Variants in STK3 observed in about 807,000 individuals in gnomAD.
STK3 encodes serine/threonine kinase 3, also known as serine/threonine-protein kinase 3.
Under a neutral mutation model 58.0 loss-of-function variants are expected in STK3, and 41 were observed. The observed-to-expected ratio is 0.71, with a 90% CI of 0.55 to 0.92. The LOEUF (loss-of-function observed/expected upper bound fraction) is 0.92, where lower values mean the gene tolerates loss of function less well. STK3 is among the 40% of genes least tolerant of loss of function. The pLI is 0.00. For missense variants in STK3, 479 were observed against 602.7 expected (o/e 0.79, Z 2.15); for synonymous variants, 170 against 191.0 (o/e 0.89, Z 0.91).
chr8:98,570,509 A>T (rs1251129409), intron 8 of STK3, among the ~76,000 whole-genome samples: 1 of 152,172 alleles, frequency 6.6e-6, no homozygotes, highest in African/African-American at 2.4e-5. Context: ...ATATTTGACC[A>T]GTTAAAATTT....
At chr8:98,573,472 G>A (rs7842869) in intron 8 of STK3, among the ~76,000 whole-genome samples, 5,923 of 152,050 alleles carry the variant, frequency 0.039, 125 homozygotes, top group South Asian at 0.06. Context: ...CGGGGTGGTT[G>A]TTCCCTGATT....
chr8:98,767,513 C>A, intron 2 of STK3, 142 bp from the exon 3 acceptor site: 1 of 791,748 alleles, frequency 1.3e-6, no homozygotes, highest in Non-Finnish European at 1.8e-6. Context: ...AAACAAGTAA[C>A]AATTTTAAAA....
chr8:98,791,941 C>A (rs1413709768), intron 1 of STK3, among the ~76,000 whole-genome samples: 2 of 152,092 alleles, frequency 1.3e-5, no homozygotes, highest in Admixed American at 6.5e-5. Flanking sequence ...AAAGCAAATG[C>A]AATAAAAACA....
rs188366560 is a variant in STK3 at position 98,595,897 on chromosome 8, A to G, written c.822+135T>C. The G allele has an allele frequency of 4.3e-5, 42 of 978,362 alleles. No homozygotes were observed. In the East Asian group the frequency reaches 1.1e-3, roughly 26 times the overall value. The allele number at this position is 978,362 out of a possible 1,614,324, so 60.6% of individuals were successfully genotyped here. On this transcript the variant is annotated intron_variant, in intron 7 of 10. Transcript: ENST00000419617. ...GGGACGAGAGGGGAGGAAAGAAAAG[A>G]AGGGAGCAAACAGGAGGGGAGGGGA...
At chr8:98,903,398 G>T (rs558731464) in intron 1 of STK3, among the ~76,000 whole-genome samples, 21 of 152,094 alleles carry the variant, frequency 1.4e-4, no homozygotes, top group Middle Eastern at 3.4e-3. Flanking sequence ...AGAAGAGAAT[G>T]CTCTTTTTAG....
intron 10 of STK3, among the ~76,000 whole-genome samples, chr8:98,510,795 C>T (rs1392619784): frequency 1.3e-5 from 2 of 151,978 alleles, no homozygotes; most frequent in African/African-American, 2.4e-5. Context: ...TGTGTTAGAC[C>T]TTAAAGCCTA....
intron 6 of STK3, among the ~76,000 whole-genome samples, chr8:98,694,441 C>A (rs570789606): frequency 1.7e-3 from 252 of 152,074 alleles, no homozygotes; most frequent in African/African-American, 5.8e-3. Flanking sequence ...TGCGGGTGTG[C>A]TGCACCCATT....
intron 1 of STK3, among the ~76,000 whole-genome samples, chr8:98,793,972 A>G (rs1290820327): frequency 6.6e-6 from 1 of 152,224 alleles, no homozygotes; most frequent in Non-Finnish European, 1.5e-5. Context: ...AAATTAAAGC[A>G]GAAATCAAAA....
chr8:98,564,065 G>A (rs1812274699), intron 8 of STK3, among the ~76,000 whole-genome samples: 2 of 152,012 alleles, frequency 1.3e-5, no homozygotes, highest in Admixed American at 1.3e-4. Flanking sequence ...TGTGATCCTG[G>A]TTAACATCAA....
chr8:98,596,026 A>G lies in STK3; in HGVS notation c.822+6T>C. 4 of 1,612,642 alleles carry G rather than the reference A, an allele frequency of 2.5e-6. No homozygotes were observed. Among genetic ancestry groups the G allele is most frequent in the South Asian group, 1.1e-5 (1 of 90,806 alleles). On this transcript the variant is annotated splice_donor_region_variant and intron_variant, in intron 7 of 10. Transcript: ENST00000419617. ...ATATCCTTCCCTTCGAGGCACAAGC[A>G]CTGACCTGTAAAAGTTGTGTTGCAG...
chr8:98,908,252 C>G (rs1838990461), intron 1 of STK3, among the ~76,000 whole-genome samples: 1 of 152,168 alleles, frequency 6.6e-6, no homozygotes, highest in Admixed American at 6.5e-5. Context: ...AAAATGTTCT[C>G]TTATCAACTT....
chr8:98,761,591 T>A (rs1306794064), intron 3 of STK3, among the ~76,000 whole-genome samples: 1 of 152,224 alleles, frequency 6.6e-6, no homozygotes, highest in Non-Finnish European at 1.5e-5. Context: ...CATCTTACTA[T>A]AATCTTAGTA....
chr8:98,693,049 A>G (rs952582888), intron 6 of STK3, among the ~76,000 whole-genome samples: 2 of 152,146 alleles, frequency 1.3e-5, no homozygotes, highest in Non-Finnish European at 2.9e-5. Context: ...AAATCCAATG[A>G]CAAGTGCCCT....
chr8:98,725,559 C>T (rs892885228), intron 4 of STK3, among the ~76,000 whole-genome samples: 1 of 152,110 alleles, frequency 6.6e-6, no homozygotes, highest in African/African-American at 2.4e-5. Flanking sequence ...ATCCAAGGAA[C>T]TAACTTTCCA....
intron 3 of STK3, among the ~76,000 whole-genome samples, chr8:98,870,325 C>G (rs1162670935): frequency 2.6e-5 from 4 of 152,168 alleles, no homozygotes; most frequent in African/African-American, 4.8e-5. Flanking sequence ...GTCTTTATAG[C>G]AGCATGATTT....
At chr8:98,715,139 G>A (rs1426990327) in intron 4 of STK3, among the ~76,000 whole-genome samples, 1 of 151,870 alleles carries the variant, frequency 6.6e-6, no homozygotes, top group East Asian at 1.9e-4. Context: ...ATTCAAGATG[G>A]ATTAAAGACT....
At chr8:98,863,783 AT>A (rs1659945267) in intron 3 of STK3, among the ~76,000 whole-genome samples, 1 of 152,120 alleles carries the variant, frequency 6.6e-6, no homozygotes, top group South Asian at 2.1e-4. Flanking sequence ...CCACACCTTG[AT>A]TTTGTTGTGG....
chr8:98,850,394 C>A (rs1836412263), intron 3 of STK3, among the ~76,000 whole-genome samples: 1 of 152,088 alleles, frequency 6.6e-6, no homozygotes, highest in Admixed American at 6.6e-5. Flanking sequence ...GGACAAGGAC[C>A]CTGTCTTCAG....
intron 4 of STK3, among the ~76,000 whole-genome samples, chr8:98,713,454 G>A (rs753526497): frequency 2.0e-5 from 3 of 152,112 alleles, no homozygotes; most frequent in Non-Finnish European, 2.9e-5. Flanking sequence ...TATCACCACC[G>A]ATCCCATAGA....
Sources: gnomAD v4.1 joint callset for allele counts (sites outside exome capture counted in the v4.1 genomes callset) on GRCh38, gnomAD v4.1.1 for gene constraint, MANE v1.5 for transcripts, NCBI Gene and HGNC (gene_info 2026-07-23, HGNC 2026-07-21) for gene names.